PLCL1: variants seen among roughly 807,000 people sequenced by gnomAD.
The protein encoded by PLCL1 is phospholipase C like 1 (inactive), also known as inactive phospholipase C-like protein 1.
A neutral mutation model predicts 84.4 loss-of-function variants in PLCL1; 41 were observed. The observed-to-expected ratio is 0.49, with a 90% CI of 0.38 to 0.63. The LOEUF (loss-of-function observed/expected upper bound fraction) is 0.63. Among genes scored for constraint, PLCL1 ranks in the 30% least tolerant of loss-of-function variants. The pLI, the probability that PLCL1 is intolerant of heterozygous loss-of-function variation, is 0.00. For missense variants in PLCL1, 1,206 were observed against 1,367.8 expected (o/e 0.88, Z 1.87); for synonymous variants, 490 against 488.3 (o/e 1.00, Z -0.05).
At chr2:197,825,523 T>C (rs977262039) in intron 1 of PLCL1, among the ~76,000 whole-genome samples, 4 of 152,226 alleles carry the variant, frequency 2.6e-5, no homozygotes, top group Non-Finnish European at 4.4e-5. Context: ...GCATCTTCTG[T>C]AGCTCCTACT....
At chr2:197,968,771 T>C (rs1275918139) in intron 1 of PLCL1, among the ~76,000 whole-genome samples, 1 of 152,250 alleles carries the variant, frequency 6.6e-6, no homozygotes, top group Non-Finnish European at 1.5e-5. Context: ...CTTATTCTAC[T>C]GGACGTTTTC....
At chr2:198,095,355 T>C (rs748084611) in intron 3 of PLCL1, among the ~76,000 whole-genome samples, 1 of 152,254 alleles carries the variant, frequency 6.6e-6, no homozygotes, top group Non-Finnish European at 1.5e-5. Context: ...TTAAGGCTGA[T>C]AATGTCATAT....
At chr2:198,108,285 C>T (rs528561283) in intron 5 of PLCL1, among the ~76,000 whole-genome samples, 74 of 151,906 alleles carry the variant, frequency 4.9e-4, no homozygotes, top group Non-Finnish European at 7.7e-4. Context: ...TACAATTCTG[C>T]GTTGCCTACT....
rs990916629 is a variant in PLCL1, at chr2:198,071,053, CATATT to C, written c.241-12701_241-12697del. 6.1e-6 allele frequency: 5 copies of C among 818,304 alleles called. No homozygotes were observed. In the African/African-American group the frequency reaches 7.4e-5, roughly 12 times the overall value. 50.7% of individuals were successfully genotyped at this position (818,304 alleles called of 1,614,324 possible). ...GGTAAATGGTAAGCTCTCAAGCTCT[CATATT>C]ATACTATAAGTACTCTTCTGTTATC... On this transcript the variant is annotated intron_variant, in intron 1 of 5. Transcript: ENST00000428675.
chr2:197,921,751 C>T (rs1362958825), intron 1 of PLCL1, among the ~76,000 whole-genome samples: 2 of 152,150 alleles, frequency 1.3e-5, no homozygotes, highest in Non-Finnish European at 2.9e-5. Flanking sequence ...ACAGAAACTG[C>T]ATATCTTTTC....
At chr2:197,895,960 C>T (rs542432206) in intron 1 of PLCL1, among the ~76,000 whole-genome samples, 2 of 151,914 alleles carry the variant, frequency 1.3e-5, no homozygotes, top group African/African-American at 4.8e-5. Flanking sequence ...TTGGTAATTG[C>T]TGTCCTCATT....
intron 3 of PLCL1, among the ~76,000 whole-genome samples, chr2:198,098,253 A>G (rs1478940488): frequency 6.6e-6 from 1 of 152,214 alleles, no homozygotes; most frequent in Non-Finnish European, 1.5e-5. Context: ...TAGCTTCTCC[A>G]AAGTTCCTAA....
intron 1 of PLCL1, among the ~76,000 whole-genome samples, chr2:197,899,641 T>TC: frequency 6.8e-6 from 1 of 146,366 alleles, no homozygotes; most frequent in South Asian, 2.2e-4. Context: ...CTTTCTTTCT[T>TC]TTTTTTTTTT....
At chr2:198,117,411 T>A (rs1255316553) in intron 5 of PLCL1, among the ~76,000 whole-genome samples, 1 of 151,466 alleles carries the variant, frequency 6.6e-6, no homozygotes, top group East Asian at 2.0e-4. Flanking sequence ...AGGTTGAATG[T>A]GTTAGAATTA....
intron 1 of PLCL1, among the ~76,000 whole-genome samples, chr2:197,958,970 T>C (rs1454357599): frequency 6.6e-6 from 1 of 152,028 alleles, no homozygotes; most frequent in African/African-American, 2.4e-5. Context: ...ATAAGGATCA[T>C]CTTGGGGAGC....
At chr2:198,088,127 A>C (rs1013802672) in intron 2 of PLCL1, among the ~76,000 whole-genome samples, 13 of 152,174 alleles carry the variant, frequency 8.5e-5, no homozygotes, top group Admixed American at 5.2e-4. Context: ...TGCATATTTT[A>C]TATTATGTAT....
intron 1 of PLCL1, among the ~76,000 whole-genome samples, chr2:197,811,968 C>A (rs907585814): frequency 4.6e-5 from 7 of 152,148 alleles, no homozygotes; most frequent in African/African-American, 1.4e-4. Context: ...CCTAACCCAA[C>A]CTTCCCCTTC....
intron 1 of PLCL1, among the ~76,000 whole-genome samples, chr2:197,952,800 G>T (rs552293770): frequency 6.6e-6 from 1 of 152,044 alleles, no homozygotes; most frequent in Non-Finnish European, 1.5e-5. Context: ...GTTTTGTAAG[G>T]GGTTTCCCCT....
intron 1 of PLCL1, among the ~76,000 whole-genome samples, chr2:198,024,155 A>G (rs1313903384): frequency 1.3e-5 from 2 of 152,170 alleles, no homozygotes; most frequent in African/African-American, 2.4e-5. Flanking sequence ...GGAACAGAAA[A>G]CAAACACCAC....
Position 198,146,781 on chromosome 2 carries a change from G to A in PLCL1, c.3107G>A (p.Gly1036Asp). The change falls in exon 6 of 6, where the codon GGC becomes GAC. Residue 1036 changes from glycine (G) to aspartate (D), a missense_variant and splice_region_variant. By Grantham distance (94) the Gly-to-Asp change is moderately conservative. Coordinates refer to ENST00000428675, the MANE Select transcript of PLCL1 (RefSeq NM_006226.4). ...ATGCCTGTTTTTTTCTGTTTGTAGGGCCAAGGAGATCTGTTGAAGAATGCC... is the reference window on the plus strand; with the variant it reads ...ATGCCTGTTTTTTTCTGTTTGTAGGACCAAGGAGATCTGTTGAAGAATGCC... ...SFAWNITVLKGQGDLLKNAKN... is the reference protein window; with the variant it reads ...SFAWNITVLKDQGDLLKNAKN... 6.2e-7 allele frequency: 1 copy of A among 1,610,648 alleles called. No individual in the cohort carries two copies.
chr2:197,918,720 G>C (rs904456499), intron 1 of PLCL1, among the ~76,000 whole-genome samples: 10 of 152,062 alleles, frequency 6.6e-5, no homozygotes, highest in African/African-American at 2.4e-4. Context: ...CCAGGAGTTT[G>C]AGACCAGCCT....
intron 5 of PLCL1, among the ~76,000 whole-genome samples, chr2:198,117,456 A>G (rs1693771986): frequency 6.6e-6 from 1 of 151,742 alleles, no homozygotes; most frequent in Non-Finnish European, 1.5e-5. Flanking sequence ...TTGTAACAGA[A>G]GTTTATTCCT....
At chr2:198,063,163 ACT>A (rs1430601776) in intron 1 of PLCL1, among the ~76,000 whole-genome samples, 3 of 145,782 alleles carry the variant, frequency 2.1e-5, no homozygotes, top group African/African-American at 8.4e-5. Flanking sequence ...ACTATACTTT[ACT>A]GAGTTTTTTC....
intron 5 of PLCL1, among the ~76,000 whole-genome samples, chr2:198,142,665 C>A (rs1694416828): frequency 6.6e-6 from 1 of 152,076 alleles, no homozygotes; most frequent in African/African-American, 2.4e-5. Flanking sequence ...CATTCAGAAG[C>A]CAAATCACTG....
Sources: allele counts gnomAD v4.1 joint callset (sites outside exome capture counted in the v4.1 genomes callset), GRCh38; gene constraint gnomAD v4.1.1; transcripts MANE v1.5; gene names NCBI Gene and HGNC (gene_info 2026-07-23, HGNC 2026-07-21).